Variants in TENM3 observed in about 807,000 individuals in gnomAD.
The protein encoded by TENM3 is teneurin transmembrane protein 3.
Under a neutral mutation model 255.1 loss-of-function variants are expected in TENM3, and 63 were observed. That is an observed-to-expected ratio of 0.25 (90% CI 0.20 to 0.30). The LOEUF is 0.30. Among genes scored for constraint, TENM3 ranks in the 10% least tolerant of loss-of-function variants. The pLI is 1.00. For synonymous variants in TENM3, 1,306 were observed against 1,322.3 expected (o/e 0.99, Z 0.27); for missense variants, 2,929 against 3,461.1 (o/e 0.85, Z 3.86).
chr4:181,957,134 T>TATGA, the TENM3 span, among the ~76,000 whole-genome samples: 1 of 152,198 alleles, frequency 6.6e-6, no homozygotes, highest in Non-Finnish European at 1.5e-5. Context: ...CATGCTGCAT[T>TATGA]ATGAATGTTT....
At chr4:182,336,407 T>C (rs1244928472) in intron 2 of TENM3, among the ~76,000 whole-genome samples, 1 of 151,468 alleles carries the variant, frequency 6.6e-6, no homozygotes, top group East Asian at 1.9e-4. Flanking sequence ...GAAGCTCTCA[T>C]TATAGTGTGT....
intron 3 of TENM3, among the ~76,000 whole-genome samples, chr4:182,464,928 A>G (rs1286468741): frequency 1.3e-5 from 2 of 152,148 alleles, no homozygotes; most frequent in African/African-American, 4.8e-5. Flanking sequence ...AATGATCAGT[A>G]TTCCCTTCCT....
At chr4:181,589,158 A>T in the TENM3 span, among the ~76,000 whole-genome samples, 1 of 152,200 alleles carries the variant, frequency 6.6e-6, no homozygotes, top group Non-Finnish European at 1.5e-5. Flanking sequence ...TTTTGGTGGT[A>T]ATTTGTCTTG....
intron 3 of TENM3, among the ~76,000 whole-genome samples, chr4:182,385,834 A>G (rs1390520871): frequency 1.3e-5 from 2 of 152,222 alleles, no homozygotes; most frequent in Non-Finnish European, 2.9e-5. Context: ...TATGAGATAC[A>G]GCTATTTTTC....
At chr4:182,767,648 C>G (rs2152782189) in intron 22 of TENM3, among the ~76,000 whole-genome samples, 1 of 152,208 alleles carries the variant, frequency 6.6e-6, no homozygotes. Flanking sequence ...TATATATACA[C>G]ATCACACACA....
At chr4:182,383,237 C>A (rs1767689151) in intron 3 of TENM3, among the ~76,000 whole-genome samples, 1 of 152,122 alleles carries the variant, frequency 6.6e-6, no homozygotes, top group African/African-American at 2.4e-5. Context: ...AGGACTTATA[C>A]ATCAAGTTGG....
At chr4:182,524,093 T>C (rs1738871161) in intron 3 of TENM3, among the ~76,000 whole-genome samples, 1 of 152,198 alleles carries the variant, frequency 6.6e-6, no homozygotes, top group Non-Finnish European at 1.5e-5. Context: ...TCCTGTAACT[T>C]GGATGCAGTC....
the TENM3 span, among the ~76,000 whole-genome samples, chr4:181,909,182 C>T: frequency 6.6e-6 from 1 of 152,296 alleles, no homozygotes; most frequent in Non-Finnish European, 1.5e-5. Flanking sequence ...TATCTTCACT[C>T]CTGTCTTTAA....
At chr4:181,739,002 G>A in the TENM3 span, among the ~76,000 whole-genome samples, 1 of 152,046 alleles carries the variant, frequency 6.6e-6, no homozygotes, top group African/African-American at 2.4e-5. Context: ...TAGCTGGCAA[G>A]GGCACACTCA....
At chr4:181,883,599 C>A in the TENM3 span, among the ~76,000 whole-genome samples, 2 of 152,004 alleles carry the variant, frequency 1.3e-5, no homozygotes, top group African/African-American at 4.8e-5. Flanking sequence ...CTCAGCCTCC[C>A]GAGTAGCTGG....
At chr4:181,457,727 A>T in the TENM3 span, among the ~76,000 whole-genome samples, 1 of 149,084 alleles carries the variant, frequency 6.7e-6, no homozygotes, top group Non-Finnish European at 1.5e-5. Context: ...AAAGAAAAAA[A>T]TCAAATATAA....
At chr4:182,072,887 T>C in the TENM3 span, among the ~76,000 whole-genome samples, 286 of 152,300 alleles carry the variant, frequency 1.9e-3, 2 homozygotes, top group African/African-American at 6.7e-3. Context: ...CATGACAGTA[T>C]TTGGAAATAG....
the TENM3 span, among the ~76,000 whole-genome samples, chr4:181,884,845 G>GAT: frequency 3.0e-4 from 46 of 151,882 alleles, no homozygotes; most frequent in Admixed American, 1.3e-3. Flanking sequence ...GTTTTCCTTT[G>GAT]ATACTATTCC....
At position 182,596,499 on chromosome 4, in the gene TENM3, C is replaced by T. The variant is rs117463609; in HGVS notation, c.512-4425C>T. On this transcript the variant is annotated intron_variant, in intron 3 of 27. Coordinates refer to ENST00000511685, the MANE Select transcript of TENM3 (RefSeq NM_001080477.4). ...CCGAAGAAAGATCAATGATTTTTAC[C>T]TGGAGAAAACAGAGGTGGCATCACC... Among the ~76,000 whole-genome samples, 46 of 152,214 alleles carry T rather than the reference C, an allele frequency of 3.0e-4. No individual in the cohort carries two copies. In the East Asian group the frequency reaches 8.5e-3, roughly 28 times the overall value.
intron 3 of TENM3, among the ~76,000 whole-genome samples, chr4:182,489,891 C>T (rs1002534258): frequency 6.7e-6 from 1 of 150,368 alleles, no homozygotes; most frequent in Admixed American, 6.6e-5. Flanking sequence ...TCTTTCTTTC[C>T]TCCTCTCTCC....
At chr4:182,756,003 C>T (rs1243834271) in intron 22 of TENM3, among the ~76,000 whole-genome samples, 2 of 152,226 alleles carry the variant, frequency 1.3e-5, no homozygotes, top group Non-Finnish European at 2.9e-5. Flanking sequence ...TAACATCTTG[C>T]TTCCAATAGA....
intron 1 of TENM3, among the ~76,000 whole-genome samples, chr4:182,199,409 C>T (rs2726801): frequency 0.69 from 105,153 of 151,944 alleles, 37,878 homozygotes; most frequent in South Asian, 0.79. Context: ...GCAACAGGGC[C>T]AGACTCCATC....
Position 182,364,395 on chromosome 4 carries a change from C to A in TENM3, c.511+17466C>A, listed in dbSNP as rs117188010. On this transcript the variant is annotated intron_variant, in intron 3 of 27. Transcript: ENST00000511685. ...TTTAAAAAAATAAACATTGCAACTT[C>A]AGTTGTTTTTTGTTTTTTGTTTTTT... 8.5e-3 allele frequency among the ~76,000 whole-genome samples: 1,288 copies of A among 152,118 alleles called. 16 individuals carry two copies. The highest frequency in any genetic ancestry group is 0.055 in the East Asian group (283 of 5,152).
At chr4:181,981,030 A>G in the TENM3 span, among the ~76,000 whole-genome samples, 2 of 152,168 alleles carry the variant, frequency 1.3e-5, no homozygotes, top group Non-Finnish European at 2.9e-5. Flanking sequence ...GAGGCGGTCC[A>G]GGACTCCAAC....
Sources: gnomAD v4.1 joint callset for allele counts (sites outside exome capture counted in the v4.1 genomes callset) on GRCh38, gnomAD v4.1.1 for gene constraint, MANE v1.5 for transcripts, NCBI Gene and HGNC (gene_info 2026-07-23, HGNC 2026-07-21) for gene names.